The following CFAP53 variants were observed in gnomAD, a reference collection of about 807,000 sequenced individuals.
CFAP53 encodes cilia and flagella associated protein 53.
Under a neutral mutation model 59.7 loss-of-function variants are expected in CFAP53, and 62 were observed. The ratio of observed to expected loss-of-function variants is 1.04; its 90% CI spans 0.85 to 1.28. The LOEUF (loss-of-function observed/expected upper bound fraction) is 1.28. Ranked by LOEUF, CFAP53 falls within the 50% of genes most tolerant of loss-of-function variation. CFAP53 has a pLI of 0.00. For synonymous variants in CFAP53, 218 were observed against 205.7 expected (o/e 1.06, Z -0.51); for missense variants, 629 against 615.6 (o/e 1.02, Z -0.23).
chr18:50,237,972 T>A (rs2033654242), intron 7 of CFAP53, among the ~76,000 whole-genome samples: 1 of 152,176 alleles, frequency 6.6e-6, no homozygotes, highest in Admixed American at 6.5e-5. Context: ...GGAAAAAAAA[T>A]CTTCTTGCTA....
chr18:50,250,558 C>T (rs1335351417), intron 5 of CFAP53, among the ~76,000 whole-genome samples, 200 bp downstream of exon 5: 1 of 152,174 alleles, frequency 6.6e-6, no homozygotes, highest in Non-Finnish European at 1.5e-5. Context: ...CTGCCCCTGT[C>T]ATGATTTTGA....
intron 3 of CFAP53, among the ~76,000 whole-genome samples, chr18:50,254,157 A>C (rs2033825943): frequency 6.6e-6 from 1 of 151,796 alleles, no homozygotes; most frequent in South Asian, 2.1e-4. Flanking sequence ...GATAAGCTAT[A>C]GTCTAGGAAA....
intron 1 of CFAP53, among the ~76,000 whole-genome samples, chr18:50,265,760 C>A (rs2033952292): frequency 6.6e-6 from 1 of 152,230 alleles, no homozygotes; most frequent in African/African-American, 2.4e-5. Context: ...GGCCTACTAC[C>A]ACTCCAGCCT....
intron 6 of CFAP53, among the ~76,000 whole-genome samples, chr18:50,242,317 A>G (rs1188370466): frequency 2.6e-5 from 4 of 152,208 alleles, no homozygotes; most frequent in Admixed American, 6.5e-5. Flanking sequence ...GGATTAAGAG[A>G]TTAAAGTAAG....
intron 5 of CFAP53, among the ~76,000 whole-genome samples, chr18:50,249,389 G>A (rs2033776686): frequency 6.6e-6 from 1 of 151,162 alleles, no homozygotes; most frequent in Non-Finnish European, 1.5e-5. Context: ...ATGGTGGCTT[G>A]TGCCTGTAAT....
chr18:50,266,416 C>T lies in CFAP53; in HGVS notation c.-12G>A, dbSNP rs1568162431. 1.9e-6 allele frequency: 3 copies of T among 1,614,150 alleles called. No homozygotes were observed. Among genetic ancestry groups the T allele is most frequent in the Admixed American group, 1.7e-5 (1 of 60,034 alleles). ...CGCTGGCTGTACATTTTCGAGTCCC[C>T]TTCGGGACGGGGGCGGCGTCCGCCG... On this transcript the variant is annotated 5_prime_UTR_variant, in exon 1 of 8. Transcript: ENST00000398545.
chr18:50,262,187 C>T lies in CFAP53; in HGVS notation c.102G>A (p.Glu34=), dbSNP rs2033900419. ...RSKPPKGQGA[E]HHLERIRRSH... Reference sequence around the variant, plus strand: ...TGCGTCGGATTCTTTCTAGATGGTGCTCAGCTCCTTGGCCTTTAGGAGGCT... The same window carrying T: ...TGCGTCGGATTCTTTCTAGATGGTGTTCAGCTCCTTGGCCTTTAGGAGGCT... Residue 34 remains glutamate (E), a synonymous_variant, in exon 2 of 8, where the codon GAG becomes GAA. Transcript: ENST00000398545. The T allele has an allele frequency of 1.2e-6, 2 of 1,614,156 alleles. No homozygotes were observed. The highest frequency in any genetic ancestry group is 2.7e-5 in the African/African-American group (2 of 75,048).
At chr18:50,251,404 CTG>C (rs1434805697) in intron 4 of CFAP53, 75 bp downstream of exon 4, 10 of 1,303,272 alleles carry the variant, frequency 7.7e-6, no homozygotes, top group Non-Finnish European at 1.1e-5. Flanking sequence ...ATCAGACAAA[CTG>C]TACTGTAACA....
At chr18:50,239,805 A>G (rs968114813) in intron 6 of CFAP53, among the ~76,000 whole-genome samples, 3 of 152,244 alleles carry the variant, frequency 2.0e-5, no homozygotes, top group African/African-American at 7.2e-5. Flanking sequence ...TATATGTAGT[A>G]AAAATACTAG....
rs762530429 is a variant in CFAP53 at position 50,250,949 on chromosome 18, C to T, written c.805G>A (p.Glu269Lys). The T allele has an allele frequency of 1.2e-6, 2 of 1,613,966 alleles. No homozygotes were observed. Among genetic ancestry groups the T allele is most frequent in the African/African-American group, 2.7e-5 (2 of 74,906 alleles). ...VESNNAQIKHENEQDMLKKQK... is the reference protein window; with the variant it reads ...VESNNAQIKHKNEQDMLKKQK... Reference sequence around the variant, plus strand: ...TTCTTTAGCATATCCTGTTCATTCTCATGTTTAATCTGTGCGTTGTTACTT... The same window carrying T: ...TTCTTTAGCATATCCTGTTCATTCTTATGTTTAATCTGTGCGTTGTTACTT... The change falls in exon 5 of 8, where the codon GAG becomes AAG. Residue 269 changes from glutamate (E) to lysine (K), a missense_variant. Transcript: ENST00000398545.
intron 3 of CFAP53, 69 bp from the exon 4 acceptor site, chr18:50,251,853 C>T: frequency 7.6e-7 from 1 of 1,322,422 alleles, no homozygotes; most frequent in Admixed American, 1.9e-5. Flanking sequence ...AGGCACACAT[C>T]TGTACAATCA....
At chr18:50,245,298 C>T (rs964672487) in intron 5 of CFAP53, among the ~76,000 whole-genome samples, 12 of 147,470 alleles carry the variant, frequency 8.1e-5, no homozygotes, top group East Asian at 2.0e-4. Flanking sequence ...AGGAGAATGG[C>T]GTGAACCCAG....
At chr18:50,246,862 A>C (rs949344738) in intron 5 of CFAP53, among the ~76,000 whole-genome samples, 2 of 151,524 alleles carry the variant, frequency 1.3e-5, no homozygotes, top group African/African-American at 4.9e-5. Flanking sequence ...CCTGGCCAAC[A>C]TGGTGAAACC....
intron 7 of CFAP53, among the ~76,000 whole-genome samples, chr18:50,228,598 C>T (rs1049605466): frequency 6.6e-6 from 1 of 151,910 alleles, no homozygotes; most frequent in East Asian, 1.9e-4. Context: ...CGAGACCAGC[C>T]TGACCAACAT....
At chr18:50,239,715 TA>T (rs770646608) in intron 6 of CFAP53, among the ~76,000 whole-genome samples, 5 of 152,170 alleles carry the variant, frequency 3.3e-5, no homozygotes, top group Admixed American at 1.3e-4. Flanking sequence ...AAAAATGACT[TA>T]AAAATATTTT....
chr18:50,259,499 CAAA>C (rs756197294), intron 3 of CFAP53, among the ~76,000 whole-genome samples: 1 of 118,756 alleles, frequency 8.4e-6, no homozygotes. Context: ...TAATGGGTAC[CAAA>C]AAAAAAAAAA....
intron 1 of CFAP53, among the ~76,000 whole-genome samples, chr18:50,264,671 G>A (rs918907712): frequency 6.6e-6 from 1 of 152,142 alleles, no homozygotes; most frequent in African/African-American, 2.4e-5. Flanking sequence ...AGACACCGGA[G>A]GAGCAGATGC....
chr18:50,237,089 G>A (rs562782495), intron 7 of CFAP53, among the ~76,000 whole-genome samples: 67 of 150,990 alleles, frequency 4.4e-4, no homozygotes, highest in Non-Finnish European at 7.2e-4. Context: ...GGTGGATCAC[G>A]AGGTCAGGAG....
At chr18:50,260,738 G>T (rs1184637471) in intron 3 of CFAP53, among the ~76,000 whole-genome samples, 1 of 152,138 alleles carries the variant, frequency 6.6e-6, no homozygotes, top group Non-Finnish European at 1.5e-5. Flanking sequence ...GCAGCAGGGG[G>T]AAAGCCCAAC....
Sources: gnomAD v4.1 joint callset for allele counts (sites outside exome capture counted in the v4.1 genomes callset) on GRCh38, gnomAD v4.1.1 for gene constraint, MANE v1.5 for transcripts, NCBI Gene and HGNC (gene_info 2026-07-23, HGNC 2026-07-21) for gene names.